Variants in ZNF536 observed in about 807,000 individuals in gnomAD.
The protein encoded by ZNF536 is zinc finger protein 536.
Under a neutral mutation model 84.5 loss-of-function variants are expected in ZNF536, and 13 were observed. The observed-to-expected ratio is 0.15, with a 90% confidence interval of 0.10 to 0.24. The LOEUF is 0.24. Ranked by LOEUF, ZNF536 falls within the 10% of genes least tolerant of loss-of-function variation. ZNF536 has a pLI of 1.00. For synonymous variants in ZNF536, 811 were observed against 742.5 expected, an observed-to-expected ratio of 1.09 and a Z score of -1.50; for missense variants, 1,536 against 1,747.5, an observed-to-expected ratio of 0.88 and a Z score of 2.16.
intron 1 of ZNF536, among the ~76,000 whole-genome samples, chr19:30,701,170 T>G (rs571497214): frequency 3.3e-5 from 5 of 151,732 alleles, no homozygotes; most frequent in Admixed American, 6.6e-5. Context: ...TGACATCTGG[T>G]GCATGTGCTA....
At chr19:30,682,766 C>T (rs1266993995) in intron 1 of ZNF536, among the ~76,000 whole-genome samples, 3 of 152,134 alleles carry the variant, frequency 2.0e-5, no homozygotes, top group South Asian at 2.1e-4. Context: ...CACCCTCCAT[C>T]CAGGCAGCAC....
At chr19:30,686,950 T>C (rs2051212278) in intron 1 of ZNF536, among the ~76,000 whole-genome samples, 1 of 152,218 alleles carries the variant, frequency 6.6e-6, no homozygotes, top group African/African-American at 2.4e-5. Context: ...TTAATGGAAC[T>C]TATTTGGAGT....
intron 2 of ZNF536, among the ~76,000 whole-genome samples, chr19:30,498,999 C>A (rs953418896): frequency 6.6e-6 from 1 of 151,268 alleles, no homozygotes; most frequent in Non-Finnish European, 1.5e-5. Flanking sequence ...ATAAGCCCGG[C>A]TATTTTCACT....
chr19:30,624,458 A>G (rs2048603138), intron 1 of ZNF536, among the ~76,000 whole-genome samples: 1 of 152,124 alleles, frequency 6.6e-6, no homozygotes, highest in Non-Finnish European at 1.5e-5. Context: ...ACATGCAGTG[A>G]TGGCTTCCTA....
intron 3 of ZNF536, among the ~76,000 whole-genome samples, chr19:30,539,546 A>C (rs1430500148): frequency 6.6e-6 from 1 of 152,180 alleles, no homozygotes; most frequent in East Asian, 1.9e-4. Flanking sequence ...ACAGAAATAC[A>C]TCAGCAAACA....
intron 1 of ZNF536, among the ~76,000 whole-genome samples, chr19:30,591,853 T>G (rs1056947905): frequency 1.3e-5 from 2 of 152,214 alleles, no homozygotes; most frequent in African/African-American, 4.8e-5. Context: ...GAAGGTGGCC[T>G]TGGAAAACTT....
chr19:30,702,613 G>A lies in ZNF536; in HGVS notation c.170-8144G>A, dbSNP rs553763667. Reference sequence around the variant, plus strand: ...CCACGGAACGAGGGCCAAGTTTCCCGGTGGATCCTGTGTGCCTGGCCCCTG... The same window carrying A: ...CCACGGAACGAGGGCCAAGTTTCCCAGTGGATCCTGTGTGCCTGGCCCCTG... On this transcript the variant is annotated intron_variant, in intron 1 of 1. Transcript: ENST00000592773. 1.2e-3 allele frequency among the ~76,000 whole-genome samples: 187 copies of A among 152,220 alleles called. 4 individuals are homozygous for A. In the South Asian group the frequency reaches 0.032, roughly 26 times the overall value.
intron 1 of ZNF536, among the ~76,000 whole-genome samples, chr19:30,591,490 C>A (rs148704764): frequency 0.018 from 2,693 of 152,252 alleles, 22 homozygotes; most frequent in Non-Finnish European, 0.025. Flanking sequence ...ATCATCAGAT[C>A]TTGTGAGATT....
At chr19:30,447,843 T>A (rs558277747) in intron 2 of ZNF536, among the ~76,000 whole-genome samples, 2 of 152,164 alleles carry the variant, frequency 1.3e-5, no homozygotes, top group Non-Finnish European at 2.9e-5. Flanking sequence ...ATTGACAGAT[T>A]TCCATCCCTC....
At chr19:30,287,794 A>G (rs1386148309) in intron 2 of ZNF536, among the ~76,000 whole-genome samples, 1 of 144,140 alleles carries the variant, frequency 6.9e-6, no homozygotes, top group African/African-American at 2.6e-5. Context: ...TGATGGGTGG[A>G]TGGGAGGATG....
chr19:30,446,248 C>CAAAAAAAAAAA lies in ZNF536; in HGVS notation c.2170+532_2170+542dup, dbSNP rs1177505634. ...TGAGCGACAGAGTGAGACACTGTCT[C>CAAAAAAAAAAA]AAAAAAAAAAAAAAAAAAAAAAAAA... On this transcript the variant is annotated intron_variant, in intron 2 of 4. Coordinates refer to ENST00000355537, the MANE Select transcript of ZNF536 (RefSeq NM_014717.3). Among the ~76,000 whole-genome samples, 52 of 29,132 alleles carry CAAAAAAAAAAA rather than the reference C, an allele frequency of 1.8e-3. 4 individuals are homozygous for CAAAAAAAAAAA. The highest frequency in any genetic ancestry group is 3.0e-3 in the African/African-American group (20 of 6,646). 19.1% of individuals were successfully genotyped at this position (29,132 alleles called of 152,430 possible).
chr19:30,316,968 G>A (rs1456186348), intron 2 of ZNF536, among the ~76,000 whole-genome samples: 1 of 152,192 alleles, frequency 6.6e-6, no homozygotes, highest in Non-Finnish European at 1.5e-5. Flanking sequence ...GACACAGCTT[G>A]CAGGACAGCA....
At chr19:30,594,312 G>A (rs2047374209) in intron 1 of ZNF536, among the ~76,000 whole-genome samples, 1 of 152,194 alleles carries the variant, frequency 6.6e-6, no homozygotes, top group Non-Finnish European at 1.5e-5. Flanking sequence ...CTGAGGGCAT[G>A]TGCAGAAAGG....
At chr19:30,355,303 G>T (rs2048057548) in intron 3 of ZNF536, among the ~76,000 whole-genome samples, 1 of 152,142 alleles carries the variant, frequency 6.6e-6, no homozygotes, top group African/African-American at 2.4e-5. Context: ...ACCAGATCTT[G>T]TGTGAACCAA....
intron 2 of ZNF536, among the ~76,000 whole-genome samples, chr19:30,453,815 C>T (rs1892344236): frequency 1.3e-5 from 2 of 152,254 alleles, no homozygotes; most frequent in Non-Finnish European, 2.9e-5. Context: ...CTCCTGTTTC[C>T]ACCACCCCCA....
intron 1 of ZNF536, among the ~76,000 whole-genome samples, chr19:30,658,380 C>G (rs2049997007): frequency 6.6e-6 from 1 of 152,126 alleles, no homozygotes; most frequent in Admixed American, 6.5e-5. Context: ...CCAGAGTGAT[C>G]AGGTCATTGC....
intron 1 of ZNF536, among the ~76,000 whole-genome samples, chr19:30,409,398 G>A (rs903421786): frequency 2.6e-5 from 4 of 152,120 alleles, no homozygotes; most frequent in African/African-American, 9.7e-5. Context: ...TTCTTATGTT[G>A]TTATCCTTGG....
At chr19:30,579,429 T>C in intron 1 of ZNF536, among the ~76,000 whole-genome samples, 1 of 152,178 alleles carries the variant, frequency 6.6e-6, no homozygotes, top group East Asian at 1.9e-4. Flanking sequence ...ATGGCTGGTC[T>C]AGGATGGCTT....
chr19:30,529,480 G>A (rs761468185), intron 2 of ZNF536, among the ~76,000 whole-genome samples: 3 of 152,070 alleles, frequency 2.0e-5, no homozygotes, highest in South Asian at 2.1e-4. Context: ...AAAATGATCC[G>A]TAGCCATTTT....
Sources: allele counts gnomAD v4.1 joint callset (sites outside exome capture counted in the v4.1 genomes callset), GRCh38; gene constraint gnomAD v4.1.1; transcripts MANE v1.5; gene names NCBI Gene and HGNC (gene_info 2026-07-23, HGNC 2026-07-21).